CLNK: variants seen among roughly 807,000 people sequenced by gnomAD.
CLNK encodes the protein cytokine dependent hematopoietic cell linker, also known as cytokine-dependent hematopoietic cell linker.
A neutral mutation model predicts 68.6 loss-of-function variants in CLNK; 74 were observed. The observed-to-expected ratio is 1.08, with a 90% CI of 0.89 to 1.31. The LOEUF (loss-of-function observed/expected upper bound fraction) is 1.31. Among genes scored for constraint, CLNK ranks in the 50% most tolerant of loss-of-function variants. CLNK has a pLI of 0.00. For missense variants in CLNK, 553 were observed against 515.3 expected (o/e 1.07, Z -0.71); for synonymous variants, 198 against 172.2 (o/e 1.15, Z -1.17).
chr4:10,573,961 C>G (rs1486531970), intron 4 of CLNK, among the ~76,000 whole-genome samples: 2 of 152,170 alleles, frequency 1.3e-5, no homozygotes, highest in African/African-American at 4.8e-5. Context: ...ATCAATCTCA[C>G]TGAATTGTTA....
At chr4:10,559,018 G>A (rs1335479222) in intron 7 of CLNK, among the ~76,000 whole-genome samples, 1 of 152,088 alleles carries the variant, frequency 6.6e-6, no homozygotes, top group African/African-American at 2.4e-5. Flanking sequence ...ACGACAACAC[G>A]GAACACAAGC....
At chr4:10,502,561 T>C (rs1472751326) in intron 17 of CLNK, among the ~76,000 whole-genome samples, 3 of 151,842 alleles carry the variant, frequency 2.0e-5, no homozygotes, top group African/African-American at 7.3e-5. Flanking sequence ...CTCTCAATGT[T>C]CACATATTTC....
intron 14 of CLNK, chr4:10,523,913 T>G: frequency 2.7e-6 from 1 of 372,184 alleles, no homozygotes; most frequent in Non-Finnish European, 5.3e-6. Context: ...TAGTTCCAGC[T>G]ACTCTGGGGG....
Position 10,650,532 on chromosome 4 carries a change from C to G in CLNK, c.11+17327G>C, listed in dbSNP as rs571095094. Among the ~76,000 whole-genome samples, 285 of 152,046 alleles carry G rather than the reference C, an allele frequency of 1.9e-3. 2 individuals carry two copies. Among genetic ancestry groups the G allele is most frequent in the African/African-American group, 6.8e-3 (283 of 41,520 alleles). On this transcript the variant is annotated intron_variant, in intron 2 of 18. Transcript: ENST00000226951. The stretch of plus-strand genomic sequence containing the variant: ...AGAAAATAAATATTGCCTTCAAAAG[C>G]TTTTATTTTTCATTAATACCTGTTG...
At chr4:10,560,667 C>T (rs6448068) in intron 7 of CLNK, among the ~76,000 whole-genome samples, 24,382 of 152,046 alleles carry the variant, frequency 0.16, 2,045 homozygotes, top group African/African-American at 0.2. Flanking sequence ...TGGTCTTGAA[C>T]TCCTGGGCTC....
intron 2 of CLNK, among the ~76,000 whole-genome samples, chr4:10,631,006 CCTGA>C (rs1433523019): frequency 1.4e-5 from 2 of 146,740 alleles, no homozygotes; most frequent in Non-Finnish European, 3.1e-5. Context: ...GAAGAGATTC[CCTGA>C]CTTTTTGCCA....
In CLNK at chr4:10,621,630, T is replaced by A. The variant is rs538405301; in HGVS notation, c.12-23581A>T. Among the ~76,000 whole-genome samples the A allele has an allele frequency of 1.2e-4, 19 of 152,312 alleles. No homozygotes were observed. The South Asian group carries it at 3.9e-3, about 32-fold the overall frequency. On this transcript the variant is annotated intron_variant, in intron 2 of 18. Transcript: ENST00000226951. The stretch of plus-strand genomic sequence containing the variant: ...TTAGATTTGATAAGCCAATGTCAGA[T>A]TTATTGTTGTTATTTATTATTCTGT...
intron 2 of CLNK, among the ~76,000 whole-genome samples, chr4:10,652,381 C>CAAA (rs67304153): frequency 0.059 from 2,928 of 49,382 alleles, 240 homozygotes; most frequent in Non-Finnish European, 0.072. Context: ...GACTCTGTCT[C>CAAA]AAAAAAAAAA....
chr4:10,712,298 G>C, the CLNK span, among the ~76,000 whole-genome samples: 1 of 152,132 alleles, frequency 6.6e-6, no homozygotes, highest in South Asian at 2.1e-4. Context: ...CTGCAGTGGA[G>C]TATATGGATC....
chr4:10,525,176 T>C (rs899762928), intron 14 of CLNK, among the ~76,000 whole-genome samples: 2 of 152,172 alleles, frequency 1.3e-5, no homozygotes, highest in African/African-American at 4.8e-5. Flanking sequence ...GCCATTCTCC[T>C]GCCTCAGCCT....
chr4:10,501,037 C>T (rs1305859999), intron 18 of CLNK, among the ~76,000 whole-genome samples: 1 of 152,176 alleles, frequency 6.6e-6, no homozygotes, highest in African/African-American at 2.4e-5. Flanking sequence ...CTTTAACAGG[C>T]AACGCAGGGA....
rs972277734 is a variant in CLNK, at chr4:10,630,501, G to A, written c.12-32452C>T. ...CACCAAACTCTGGGCTATGTGTTGT[G>A]GATTCAAAAATTTTGGAGCCACTGT... On this transcript the variant is annotated intron_variant, in intron 2 of 18. Transcript: ENST00000226951. 1.2e-4 allele frequency among the ~76,000 whole-genome samples: 19 copies of A among 152,032 alleles called. No individual in the cohort carries two copies. The East Asian group carries it at 3.7e-3, about 29-fold the overall frequency.
At chr4:10,585,527 T>A (rs1401389625) in intron 3 of CLNK, among the ~76,000 whole-genome samples, 1 of 152,264 alleles carries the variant, frequency 6.6e-6, no homozygotes, top group African/African-American at 2.4e-5. Flanking sequence ...TCCATAAACC[T>A]TCTTTCACCA....
the CLNK span, among the ~76,000 whole-genome samples, chr4:10,723,511 G>A: frequency 6.6e-6 from 1 of 152,202 alleles, no homozygotes; most frequent in African/African-American, 2.4e-5. Flanking sequence ...AGTGATGTGT[G>A]GATTAAGAGA....
At chr4:10,535,682 G>A (rs952973911) in intron 11 of CLNK, among the ~76,000 whole-genome samples, 1 of 152,142 alleles carries the variant, frequency 6.6e-6, no homozygotes, top group Non-Finnish European at 1.5e-5. Flanking sequence ...CAGTGCAGTG[G>A]TTAGTAGATA....
At position 10,490,489 on chromosome 4, in the gene CLNK, G is replaced by T. The variant is rs759484863; in HGVS notation, c.1265C>A (p.Thr422Asn). 6.2e-7 allele frequency: 1 copy of T among 1,613,512 alleles called. No individual in the cohort carries two copies. Among genetic ancestry groups the T allele is most frequent in the Non-Finnish European group, 8.5e-7 (1 of 1,179,750 alleles). ...AGGCTACAGAGGCAAGAGGTGTCTG[G>T]TGAGAGGGAGTGGCTGAGTGAGGTG... ...QCHLTQPLPL[T>N]RHLLPL is the part of the protein sequence containing the mutation. Residue 422 changes from threonine (T) to asparagine (N), a missense_variant, in exon 19 of 19, where the codon ACC becomes AAC. By Grantham distance (65) the Thr-to-Asn change is moderately conservative. Coordinates refer to ENST00000226951, the MANE Select transcript of CLNK (RefSeq NM_052964.4).
intron 2 of CLNK, among the ~76,000 whole-genome samples, chr4:10,624,926 C>A (rs757848197): frequency 6.6e-6 from 1 of 152,164 alleles, no homozygotes; most frequent in Non-Finnish European, 1.5e-5. Context: ...TCAGGTTGAA[C>A]TTAACGTTTT....
intron 11 of CLNK, among the ~76,000 whole-genome samples, chr4:10,537,699 C>CTTCA (rs1718843350): frequency 1.5e-5 from 1 of 66,882 alleles, no homozygotes; most frequent in South Asian, 6.0e-4. Context: ...TCCTTCCTTC[C>CTTCA]TTCCTTCCTT....
intron 8 of CLNK, among the ~76,000 whole-genome samples, chr4:10,553,393 T>G (rs1719536913): frequency 6.6e-6 from 1 of 152,166 alleles, no homozygotes. Flanking sequence ...TTTATTTTTG[T>G]TTAACTCAGT....
Sources: gnomAD v4.1 joint callset for allele counts (sites outside exome capture counted in the v4.1 genomes callset) on GRCh38, gnomAD v4.1.1 for gene constraint, MANE v1.5 for transcripts, NCBI Gene and HGNC (gene_info 2026-07-23, HGNC 2026-07-21) for gene names.